The following GRIN2A variants were observed in gnomAD, a reference collection of about 807,000 sequenced individuals.
GRIN2A encodes glutamate ionotropic receptor NMDA type subunit 2A.
GRIN2A carries 22 observed loss-of-function variants against 113.4 expected under a neutral mutation model. The ratio of observed to expected loss-of-function variants is 0.19; its 90% CI spans 0.14 to 0.28. GRIN2A has a LOEUF of 0.28. Ranked by LOEUF, GRIN2A falls within the 10% of genes least tolerant of loss-of-function variation. The probability of loss-of-function intolerance (pLI) is 1.00; values close to 1 mark genes in which losing one functional copy is unlikely to be tolerated. For missense variants in GRIN2A, 1,502 were observed against 1,887.0 expected (o/e 0.80, Z 3.78); for synonymous variants, 827 against 738.4 (o/e 1.12, Z -1.94).
chr16:9,853,881 A>T (rs76894942), intron 4 of GRIN2A, among the ~76,000 whole-genome samples: 1 of 152,190 alleles, frequency 6.6e-6, no homozygotes, highest in Non-Finnish European at 1.5e-5. Flanking sequence ...CAGCAAAAAA[A>T]CCCATTATAT....
intron 7 of GRIN2A, among the ~76,000 whole-genome samples, chr16:9,837,908 C>A (rs1253934433): frequency 1.3e-5 from 2 of 152,222 alleles, no homozygotes; most frequent in Admixed American, 6.5e-5. Context: ...GCAACGAGTG[C>A]AAAATCAAAT....
intron 3 of GRIN2A, among the ~76,000 whole-genome samples, chr16:9,902,628 T>C (rs11643234): frequency 0.32 from 49,019 of 152,150 alleles, 9,913 homozygotes; most frequent in African/African-American, 0.58. Flanking sequence ...TGAATTAAGG[T>C]GCACCAGCAC....
intron 2 of GRIN2A, among the ~76,000 whole-genome samples, chr16:10,126,162 TATA>T (rs199967893): frequency 0.13 from 15,156 of 118,360 alleles, 786 homozygotes; most frequent in Admixed American, 0.17. Context: ...TTTCTTTATA[TATA>T]TATATATTTT....
At chr16:10,100,729 A>C (rs1349330808) in intron 2 of GRIN2A, among the ~76,000 whole-genome samples, 2 of 152,222 alleles carry the variant, frequency 1.3e-5, no homozygotes, top group African/African-American at 4.8e-5. Context: ...TGCTGGATTC[A>C]CTTTATAACA....
intron 3 of GRIN2A, among the ~76,000 whole-genome samples, chr16:9,903,116 G>GT (rs2043965007): frequency 6.6e-6 from 1 of 151,632 alleles, no homozygotes; most frequent in African/African-American, 2.4e-5. Flanking sequence ...CTACAATCGC[G>GT]TGCCACCATG....
At chr16:9,767,302 C>A (rs988674329) in intron 12 of GRIN2A, among the ~76,000 whole-genome samples, 2 of 152,212 alleles carry the variant, frequency 1.3e-5, no homozygotes, top group South Asian at 4.1e-4. Context: ...CGAATCTCCA[C>A]AGTTCTTGAA....
chr16:9,990,120 T>C (rs1423211306), intron 2 of GRIN2A, among the ~76,000 whole-genome samples: 1 of 152,048 alleles, frequency 6.6e-6, no homozygotes, highest in Non-Finnish European at 1.5e-5. Context: ...AGCAAAGACA[T>C]AGCATCAACC....
At chr16:9,796,796 T>C (rs1194876436) in intron 11 of GRIN2A, among the ~76,000 whole-genome samples, 2 of 152,196 alleles carry the variant, frequency 1.3e-5, no homozygotes, top group Non-Finnish European at 2.9e-5. Context: ...CCACTCAACC[T>C]GCACTACCAT....
intron 5 of GRIN2A, among the ~76,000 whole-genome samples, chr16:9,843,820 G>A (rs1207955109): frequency 1.3e-5 from 2 of 152,194 alleles, no homozygotes; most frequent in Non-Finnish European, 2.9e-5. Flanking sequence ...TGGGATATGT[G>A]CCAGCTCCAT....
rs145100169 is a variant in GRIN2A at position 9,842,195 on chromosome 16, G to A, written c.1329-1091C>T. 2.7e-3 allele frequency among the ~76,000 whole-genome samples: 410 copies of A among 151,688 alleles called. 2 individuals are homozygous for A. The highest frequency in any genetic ancestry group is 9.3e-3 in the African/African-American group (381 of 41,094). ...GAACCCAGGAGGCGGGGGCTGCAGT[G>A]AGCCAATATCATGCCGTTGTACTCA... On this transcript the variant is annotated intron_variant, in intron 5 of 12. Transcript: ENST00000330684.
At chr16:10,081,331 G>A (rs775378217) in intron 2 of GRIN2A, among the ~76,000 whole-genome samples, 8 of 152,172 alleles carry the variant, frequency 5.3e-5, no homozygotes, top group Admixed American at 3.9e-4. Flanking sequence ...AAGCTATTGC[G>A]AAGTCAGTCT....
In GRIN2A at chr16:9,781,017, G is replaced by A. The variant is rs2315086; in HGVS notation, c.2357-11928C>T. ...ATCTTTTTTTTTTTTTATGGTAAACGGCCAATTAGTAAATATTTTCAGCAC... is the reference window on the plus strand; with the variant it reads ...ATCTTTTTTTTTTTTTATGGTAAACAGCCAATTAGTAAATATTTTCAGCAC... On this transcript the variant is annotated intron_variant, in intron 11 of 12. Transcript: ENST00000330684. Among the ~76,000 whole-genome samples, 20 of 136,454 alleles carry A rather than the reference G, an allele frequency of 1.5e-4. No homozygotes were observed. In the East Asian group the frequency reaches 3.5e-3, roughly 24 times the overall value. The allele number at this position is 136,454 out of a possible 152,430, so 89.5% of individuals were successfully genotyped here.
intron 2 of GRIN2A, among the ~76,000 whole-genome samples, chr16:10,113,890 G>T (rs193283768): frequency 6.6e-6 from 1 of 152,122 alleles, no homozygotes; most frequent in African/African-American, 2.4e-5. Flanking sequence ...GAGGAGTAGA[G>T]TCTTGAAGGG....
At chr16:9,902,378 T>C (rs937954995) in intron 3 of GRIN2A, among the ~76,000 whole-genome samples, 1 of 152,186 alleles carries the variant, frequency 6.6e-6, no homozygotes, top group African/African-American at 2.4e-5. Flanking sequence ...CATCTTGAAT[T>C]ATGATGTGGA....
chr16:10,070,837 C>G (rs945560790), intron 2 of GRIN2A, among the ~76,000 whole-genome samples: 2 of 152,204 alleles, frequency 1.3e-5, no homozygotes, highest in African/African-American at 4.8e-5. Flanking sequence ...AGACATGTTC[C>G]AAGTACCCTC....
At chr16:10,143,943 G>A (rs1223262873) in intron 2 of GRIN2A, among the ~76,000 whole-genome samples, 1 of 152,074 alleles carries the variant, frequency 6.6e-6, no homozygotes, top group Non-Finnish European at 1.5e-5. Context: ...TCCAGCCTGG[G>A]CAACAGAGTG....
intron 2 of GRIN2A, among the ~76,000 whole-genome samples, chr16:10,022,755 C>T (rs2046749438): frequency 6.6e-6 from 1 of 152,174 alleles, no homozygotes; most frequent in African/African-American, 2.4e-5. Flanking sequence ...TATATTCCCA[C>T]AGTTCTCTTC....
In GRIN2A at chr16:10,150,607, T is replaced by G. The variant is rs190443534; in HGVS notation, c.414+29391A>C. 5.1e-3 allele frequency among the ~76,000 whole-genome samples: 772 copies of G among 152,198 alleles called. 5 individuals are homozygous for G. Among genetic ancestry groups the G allele is most frequent in the African/African-American group, 0.018 (736 of 41,516 alleles). ...TAGTCTTCTTACTATTCCCCAGACA[T>G]GGCAAGCCCACCCTCCCCTACCCAC... On this transcript the variant is annotated intron_variant, in intron 2 of 12. Coordinates refer to ENST00000330684, the MANE Select transcript of GRIN2A (RefSeq NM_001134407.3).
Position 9,754,987 on chromosome 16 carries a change from G to C in GRIN2A, c.*8162C>G, listed in dbSNP as rs1291871413. ...GAAAGGCAGCTGTGGTATTGGCTAT[G>C]AGTTATGTTAATATCCTATTGAAGG... is the stretch of plus-strand genomic sequence containing the variant. On this transcript the variant is annotated 3_prime_UTR_variant, in exon 13 of 13. Coordinates refer to ENST00000330684, the MANE Select transcript of GRIN2A (RefSeq NM_001134407.3). 1 of 205,822 alleles carries C rather than the reference G, an allele frequency of 4.9e-6. No individual in the cohort carries two copies. The highest frequency in any genetic ancestry group is 7.4e-5 in the East Asian group (1 of 13,522). 12.7% of individuals were successfully genotyped at this position (205,822 alleles called of 1,614,324 possible).
Sources: gnomAD v4.1 joint callset for allele counts (sites outside exome capture counted in the v4.1 genomes callset) on GRCh38, gnomAD v4.1.1 for gene constraint, MANE v1.5 for transcripts, NCBI Gene and HGNC (gene_info 2026-07-23, HGNC 2026-07-21) for gene names.